The following INTS10 variants were observed in gnomAD, a reference collection of about 807,000 sequenced individuals.
INTS10 encodes the protein integrator complex subunit 10.
INTS10 carries 44 observed loss-of-function variants against 94.4 expected under a neutral mutation model. The ratio of observed to expected loss-of-function variants is 0.47; its 90% CI spans 0.37 to 0.60. The LOEUF (loss-of-function observed/expected upper bound fraction) is 0.60. INTS10 is among the 20% of genes least tolerant of loss of function. The pLI is 0.00. For synonymous variants in INTS10, 341 were observed against 320.7 expected (o/e 1.06, Z -0.68); for missense variants, 797 against 868.7 (o/e 0.92, Z 1.04).
chr8:19,824,630 A>C (rs1031627405), intron 7 of INTS10, 173 bp from the exon 8 acceptor site: 8 of 514,548 alleles, frequency 1.6e-5, no homozygotes, highest in Non-Finnish European at 2.3e-5. Context: ...AATCTTGATC[A>C]CCACCCTAAT....
At chr8:19,823,598 G>C in intron 6 of INTS10, 157 bp downstream of exon 6, 1 of 650,812 alleles carries the variant, frequency 1.5e-6, no homozygotes, top group Non-Finnish European at 2.6e-6. Context: ...AAAAGATGAG[G>C]CTTTTCTGGA....
At chr8:19,848,865 T>C (rs554585458) in intron 16 of INTS10, 239 of 183,852 alleles carry the variant, frequency 1.3e-3, no homozygotes, top group African/African-American at 5.1e-3. Context: ...TTCAGCTGCA[T>C]TCCATCATCC....
intron 5 of INTS10, among the ~76,000 whole-genome samples, 177 bp from the exon 6 acceptor site, chr8:19,823,124 G>C (rs4392917): frequency 0.64 from 97,445 of 151,964 alleles, 31,423 homozygotes; most frequent in African/African-American, 0.7. Flanking sequence ...TTTCCTCCCT[G>C]ACTCCAGCCA....
intron 12 of INTS10, among the ~76,000 whole-genome samples, chr8:19,834,483 A>T (rs985454759): frequency 5.9e-5 from 9 of 152,200 alleles, no homozygotes; most frequent in Admixed American, 4.6e-4. Flanking sequence ...AAAAGGCAGC[A>T]CGTATTTACT....
chr8:19,830,638 C>T (rs561518835), intron 10 of INTS10, 79 bp downstream of exon 10: 10 of 1,351,860 alleles, frequency 7.4e-6, no homozygotes, highest in South Asian at 2.6e-5. Context: ...AGGTCACTTA[C>T]GGCAAATTAA....
chr8:19,817,715 C>A, intron 1 of INTS10, 49 bp downstream of exon 1: 1 of 1,566,324 alleles, frequency 6.4e-7, no homozygotes, highest in Non-Finnish European at 8.7e-7. Context: ...GGTGCGCGCT[C>A]CCGTCGCCCG....
At chr8:19,842,994 C>A in intron 14 of INTS10, 67 bp downstream of exon 14, 1 of 1,077,440 alleles carries the variant, frequency 9.3e-7, no homozygotes, top group Non-Finnish European at 1.4e-6. Flanking sequence ...GACTCGAGAA[C>A]TTGAGAACCT....
At chr8:19,845,821 T>G in intron 16 of INTS10, 24 bp downstream of exon 16, 1 of 1,522,756 alleles carries the variant, frequency 6.6e-7, no homozygotes, top group Non-Finnish European at 9.1e-7. Flanking sequence ...CTTTTGCTCT[T>G]CCATGCTGAG....
At chr8:19,817,761 C>G (rs1327345109) in intron 1 of INTS10, 95 bp downstream of exon 1, 2 of 1,446,368 alleles carry the variant, frequency 1.4e-6, no homozygotes, top group African/African-American at 2.8e-5. Context: ...TGCCTGGGGG[C>G]TGCCGCCTCC....
At position 19,817,659 on chromosome 8, in the gene INTS10, A is replaced by T. The variant is rs369024500; in HGVS notation, c.122A>T (p.Asn41Ile). 1.2e-6 allele frequency: 2 copies of T among 1,606,744 alleles called. No homozygotes were observed. The highest frequency in any genetic ancestry group is 8.5e-7 in the Non-Finnish European group (1 of 1,177,352). The change falls in exon 1 of 17, where the codon AAC (asparagine) becomes ATC (isoleucine). Residue 41 changes from asparagine (N) to isoleucine (I), a missense_variant. Coordinates refer to ENST00000397977, the MANE Select transcript of INTS10 (RefSeq NM_018142.4). Reference protein sequence around the residue: ...TARSLYPADFNIQYEMYTIER... With the variant: ...TARSLYPADFIIQYEMYTIER... ...CGCAGCCTCTACCCGGCAGACTTTA[A>T]CATCCAGGTGAGGTCCCGGCTGTGC...
At chr8:19,839,743 T>A (rs1171539611) in intron 13 of INTS10, among the ~76,000 whole-genome samples, 1 of 151,932 alleles carries the variant, frequency 6.6e-6, no homozygotes, top group Non-Finnish European at 1.5e-5. Context: ...CATATTTGGC[T>A]ATGTAGAAAA....
At chr8:19,841,217 T>C (rs1226861678) in intron 13 of INTS10, among the ~76,000 whole-genome samples, 2 of 152,186 alleles carry the variant, frequency 1.3e-5, no homozygotes, top group African/African-American at 4.8e-5. Flanking sequence ...TCCTTCACAC[T>C]ACATAGACAT....
At position 19,820,617 on chromosome 8, in the gene INTS10, G is replaced by C. The variant is rs930704186; in HGVS notation, c.441+99G>C. On this transcript the variant is annotated intron_variant, in intron 4 of 16. Transcript: ENST00000397977. ...GAGCTACAAAGCAGAAGTTTCTGAAGAGTACTGGTTAAGATTGAACTGAAA... is the reference window on the plus strand; with the variant it reads ...GAGCTACAAAGCAGAAGTTTCTGAACAGTACTGGTTAAGATTGAACTGAAA... 14 of 1,070,366 alleles carry C rather than the reference G, an allele frequency of 1.3e-5. No individual in the cohort carries two copies. In the African/African-American group the frequency reaches 1.9e-4, roughly 15 times the overall value. The allele number at this position is 1,070,366 out of a possible 1,614,324, so 66.3% of individuals were successfully genotyped here.
At chr8:19,822,638 A>C (rs2066467956) in intron 5 of INTS10, 118 bp downstream of exon 5, 1 of 611,962 alleles carries the variant, frequency 1.6e-6, no homozygotes, top group African/African-American at 1.9e-5. Context: ...TATGGCATTT[A>C]AGTTCTTTTT....
At chr8:19,838,658 C>A (rs1356608113) in intron 13 of INTS10, among the ~76,000 whole-genome samples, 4 of 152,128 alleles carry the variant, frequency 2.6e-5, no homozygotes, top group African/African-American at 9.7e-5. Context: ...AGGCCAGTAT[C>A]CATCATGAAT....
chr8:19,843,044 C>T lies in INTS10; in HGVS notation c.1719+117C>T. ...ATTTTAGTACTTTTGAGGGCAGGCCCAAACAGTTAGAAAAGCACATGGGCT... is the reference window on the plus strand; with the variant it reads ...ATTTTAGTACTTTTGAGGGCAGGCCTAAACAGTTAGAAAAGCACATGGGCT... On this transcript the variant is annotated intron_variant, in intron 14 of 16. Transcript: ENST00000397977. The surrounding 1 kb of genome is among the most constrained non-coding windows in gnomAD (Gnocchi z 4.7). The T allele has an allele frequency of 1.4e-6, 1 of 716,996 alleles. No homozygotes were observed. Among genetic ancestry groups the T allele is most frequent in the Non-Finnish European group, 2.4e-6 (1 of 412,670 alleles). 44.4% of individuals were successfully genotyped at this position (716,996 alleles called of 1,614,324 possible). A position where few individuals can be genotyped will look rare whatever the true frequency, so the allele number is the denominator to read the frequency against.
rs1296751410 is a variant in INTS10 at position 19,851,349 on chromosome 8, A to T, written c.1977-300A>T. Among the ~76,000 whole-genome samples, 1 of 152,202 alleles carries T rather than the reference A, an allele frequency of 6.6e-6. No homozygotes were observed. The highest frequency in any genetic ancestry group is 1.5e-5 in the Non-Finnish European group (1 of 68,036). On this transcript the variant is annotated intron_variant, in intron 16 of 16. Transcript: ENST00000397977. The surrounding 1 kb of genome is among the most constrained non-coding windows in gnomAD (Gnocchi z 5.0). ...ACTGAATTGTGTACCAGTCAGCAGTAGGGATGCATAACACCAGAGCTTCAT... is the reference window on the plus strand; with the variant it reads ...ACTGAATTGTGTACCAGTCAGCAGTTGGGATGCATAACACCAGAGCTTCAT...
rs1323579124 is a variant in INTS10, at chr8:19,851,784, G to A, written c.2112G>A (p.Leu704=). 3 of 1,614,044 alleles carry A rather than the reference G, an allele frequency of 1.9e-6. No homozygotes were observed. The highest frequency in any genetic ancestry group is 2.5e-6 in the Non-Finnish European group (3 of 1,180,018). Reference sequence around the variant, plus strand: ...GGTTCTGCATTAATGAGAAGATCTTGCTCCTTCAGACTCTGACCTGAGTGG... The same window carrying A: ...GGTTCTGCATTAATGAGAAGATCTTACTCCTTCAGACTCTGACCTGAGTGG... ...LHRFCINEKI[L]LLQTLT Residue 704 remains leucine (L), a synonymous_variant, in exon 17 of 17, where the codon TTG becomes TTA. Coordinates refer to ENST00000397977, the MANE Select transcript of INTS10 (RefSeq NM_018142.4). The surrounding 1 kb of genome is among the most constrained non-coding windows in gnomAD (Gnocchi z 5.0).
intron 1 of INTS10, 26 bp downstream of exon 1, chr8:19,817,692 C>T (rs1370905671): frequency 5.6e-6 from 9 of 1,593,644 alleles, no homozygotes; most frequent in Non-Finnish European, 7.7e-6. Context: ...TGCATGCGGC[C>T]GCTCTGCGTG....
Sources: gnomAD v4.1 joint callset for allele counts (sites outside exome capture counted in the v4.1 genomes callset) on GRCh38, gnomAD v4.1.1 for gene constraint, Gnocchi (gnomAD v3.1) non-coding constraint, MANE v1.5 for transcripts, NCBI Gene and HGNC (gene_info 2026-07-23, HGNC 2026-07-21) for gene names.